Variants in KAZN observed in about 807,000 individuals in gnomAD.
The protein encoded by KAZN is kazrin.
A neutral mutation model predicts 87.4 loss-of-function variants in KAZN; 40 were observed. The observed-to-expected ratio is 0.46, with a 90% CI of 0.36 to 0.60. The LOEUF (loss-of-function observed/expected upper bound fraction) is 0.60, where lower values mean the gene tolerates loss of function less well. KAZN is among the 20% of genes least tolerant of loss of function. The pLI, the probability that KAZN is intolerant of heterozygous loss-of-function variation, is 0.00. For synonymous variants in KAZN, 466 were observed against 458.3 expected (o/e 1.02, Z -0.22); for missense variants, 898 against 1,073.9 (o/e 0.84, Z 2.29).
rs564342479 is a variant in KAZN, at chr1:14,270,595, C to T, written c.249+90003C>T. 5.9e-5 allele frequency among the ~76,000 whole-genome samples: 9 copies of T among 152,294 alleles called. No individual in the cohort carries two copies. In the South Asian group the frequency reaches 8.3e-4, roughly 14 times the overall value. On this transcript the variant is annotated intron_variant, in intron 2 of 16. Transcript: ENST00000636203. ...TAAAGTTGGCTCCTCTTCCTCCTTA[C>T]TGAGGAGGTCTATCCTACCATAGAA... is the stretch of plus-strand genomic sequence containing the variant.
intron 2 of KAZN, among the ~76,000 whole-genome samples, chr1:15,024,969 G>A (rs1294892005): frequency 1.3e-5 from 2 of 152,118 alleles, no homozygotes; most frequent in Non-Finnish European, 2.9e-5. Flanking sequence ...AGGGCAAGAG[G>A]GGACAGGCAA....
chr1:14,636,075 A>C (rs1181258780), intron 1 of KAZN, among the ~76,000 whole-genome samples: 2 of 152,210 alleles, frequency 1.3e-5, no homozygotes, highest in African/African-American at 4.8e-5. Context: ...ATTCCAACTG[A>C]AAGCGGGGAG....
intron 2 of KAZN, among the ~76,000 whole-genome samples, chr1:14,442,164 A>T (rs1305197280): frequency 2.0e-5 from 3 of 152,236 alleles, no homozygotes; most frequent in Non-Finnish European, 4.4e-5. Context: ...AGTTGCAAGG[A>T]TCAGAAAAGA....
intron 2 of KAZN, among the ~76,000 whole-genome samples, chr1:14,284,467 T>C (rs1354718488): frequency 6.6e-6 from 1 of 152,008 alleles, no homozygotes; most frequent in Non-Finnish European, 1.5e-5. Context: ...AAAAGGCAAC[T>C]CGTGGGGCTG....
chr1:14,675,762 A>G (rs1395978830), intron 1 of KAZN, among the ~76,000 whole-genome samples: 1 of 152,188 alleles, frequency 6.6e-6, no homozygotes, highest in Non-Finnish European at 1.5e-5. Context: ...GTACGTGCTC[A>G]ATAATTGTTT....
rs1641119091 is a variant in KAZN, at chr1:14,688,913, G to T, written c.226+89690G>T. Among the ~76,000 whole-genome samples the T allele has an allele frequency of 2.0e-5, 3 of 152,188 alleles. No individual in the cohort carries two copies. The South Asian group carries it at 6.2e-4, about 32-fold the overall frequency. ...ATGCCAGTAAGAGTTGATTGGTAAG[G>T]CTGGGCGCGGTGGCTCACGCCTGTA... On this transcript the variant is annotated intron_variant, in intron 1 of 14. Coordinates refer to ENST00000376030, the MANE Select transcript of KAZN (RefSeq NM_201628.3).
intron 1 of KAZN, among the ~76,000 whole-genome samples, chr1:14,784,728 C>A (rs113259701): frequency 6.6e-6 from 1 of 152,136 alleles, no homozygotes; most frequent in Admixed American, 6.5e-5. Context: ...CACTGCACTC[C>A]GGCCTGGGCA....
At chr1:14,983,147 C>T (rs559078348) in intron 2 of KAZN, among the ~76,000 whole-genome samples, 150 of 152,334 alleles carry the variant, frequency 9.8e-4, no homozygotes, top group African/African-American at 3.4e-3. Context: ...ACCCAAAGCA[C>T]CCTTTCACCC....
intron 1 of KAZN, among the ~76,000 whole-genome samples, chr1:14,040,803 A>ATAAAATTAAATTAAAT (rs1553119539): frequency 2.7e-5 from 4 of 150,660 alleles, no homozygotes; most frequent in African/African-American, 4.8e-5. Flanking sequence ...TTAAATTAAA[A>ATAAAATTAAATTAAAT]TAAAATAAAA....
At chr1:14,476,022 G>A (rs1668704050) in intron 2 of KAZN, among the ~76,000 whole-genome samples, 1 of 152,138 alleles carries the variant, frequency 6.6e-6, no homozygotes, top group South Asian at 2.1e-4. Context: ...AGACTCTCTC[G>A]CCTTTGGTCC....
rs2100684042 is a variant in KAZN, at chr1:15,094,728, G to A, written c.1429-87G>A. 2 of 915,310 alleles carry A rather than the reference G, an allele frequency of 2.2e-6. No homozygotes were observed. Among genetic ancestry groups the A allele is most frequent in the South Asian group, 3.1e-5 (2 of 64,574 alleles). The allele number at this position is 915,310 out of a possible 1,614,324, so 56.7% of individuals were successfully genotyped here. On this transcript the variant is annotated intron_variant, in intron 9 of 14. Coordinates refer to ENST00000376030, the MANE Select transcript of KAZN (RefSeq NM_201628.3). The surrounding 1 kb of genome is among the most constrained non-coding windows in gnomAD (Gnocchi z 4.5). ...GAAAGGTGGGCAGGAGATGGGGAAG[G>A]AGCCCCATGTCAACAGACCCCCTCT...
At chr1:14,924,494 G>A in intron 1 of KAZN, 1 of 997,320 alleles carries the variant, frequency 1.0e-6, no homozygotes, top group Non-Finnish European at 1.2e-6. Flanking sequence ...CGAGCAGTGC[G>A]TGGACGCGGC....
intron 2 of KAZN, among the ~76,000 whole-genome samples, chr1:14,436,640 C>T (rs1261460193): frequency 2.0e-5 from 3 of 150,178 alleles, no homozygotes; most frequent in Non-Finnish European, 2.9e-5. Context: ...ATCACTTGAA[C>T]CCAGGAGGCA....
intron 1 of KAZN, among the ~76,000 whole-genome samples, chr1:14,823,104 C>T (rs1572575033): frequency 6.8e-6 from 1 of 147,650 alleles, no homozygotes; most frequent in Non-Finnish European, 1.5e-5. Context: ...GCCCCGTTCT[C>T]CTCCCTCTGT....
intron 2 of KAZN, among the ~76,000 whole-genome samples, chr1:14,279,526 C>T (rs942658981): frequency 1.4e-4 from 21 of 152,204 alleles, no homozygotes; most frequent in Non-Finnish European, 7.4e-5. Context: ...CTTGTTAGTG[C>T]AGTACTATCA....
At chr1:14,392,321 C>A (rs1662514710) in intron 2 of KAZN, among the ~76,000 whole-genome samples, 1 of 152,104 alleles carries the variant, frequency 6.6e-6, no homozygotes, top group South Asian at 2.1e-4. Context: ...AATGACTCAG[C>A]CTTCTCCAGC....
intron 1 of KAZN, among the ~76,000 whole-genome samples, chr1:13,909,314 C>G (rs1639563805): frequency 6.6e-6 from 1 of 152,120 alleles, no homozygotes; most frequent in African/African-American, 2.4e-5. Context: ...CTTTCTCCTT[C>G]CTGGGATGCC....
chr1:13,979,015 G>C (rs1258912734), intron 1 of KAZN, among the ~76,000 whole-genome samples: 1 of 151,944 alleles, frequency 6.6e-6, no homozygotes, highest in Non-Finnish European at 1.5e-5. Flanking sequence ...AGGACTGCTT[G>C]AGCCTGGAAG....
intron 1 of KAZN, among the ~76,000 whole-genome samples, chr1:13,976,118 G>A (rs1019854719): frequency 2.6e-5 from 4 of 152,136 alleles, no homozygotes; most frequent in African/African-American, 4.8e-5. Flanking sequence ...TAATGTCTTC[G>A]TGAGAATTCT....
Sources: allele counts gnomAD v4.1 joint callset (sites outside exome capture counted in the v4.1 genomes callset), GRCh38; gene constraint gnomAD v4.1.1; non-coding constraint Gnocchi (gnomAD v3.1); transcripts MANE v1.5; gene names NCBI Gene and HGNC (gene_info 2026-07-23, HGNC 2026-07-21).